RASAL2: variants seen among roughly 807,000 people sequenced by gnomAD.
The protein encoded by RASAL2 is ras GTPase-activating protein nGAP.
Under a neutral mutation model 128.9 loss-of-function variants are expected in RASAL2, and 58 were observed. That is an observed-to-expected ratio of 0.45 (90% CI 0.36 to 0.56). RASAL2 has a LOEUF of 0.56. Among genes scored for constraint, RASAL2 ranks in the 20% least tolerant of loss-of-function variants. The probability of loss-of-function intolerance (pLI) is 0.00; values close to 1 mark genes in which losing one functional copy is unlikely to be tolerated. For synonymous variants in RASAL2, 561 were observed against 580.8 expected, an observed-to-expected ratio of 0.97 and a Z score of 0.49; for missense variants, 1,360 against 1,601.6, an observed-to-expected ratio of 0.85 and a Z score of 2.57.
intron 1 of RASAL2, among the ~76,000 whole-genome samples, chr1:178,148,892 C>G (rs1660817922): frequency 6.6e-6 from 1 of 152,036 alleles, no homozygotes; most frequent in Non-Finnish European, 1.5e-5. Flanking sequence ...ATTTTGTAAA[C>G]TGTTTTGTTT....
intron 3 of RASAL2, among the ~76,000 whole-genome samples, chr1:178,350,069 G>A (rs542783425): frequency 6.6e-6 from 1 of 152,302 alleles, no homozygotes; most frequent in Admixed American, 6.5e-5. Context: ...TTCTTCTAGA[G>A]CAATCTTCTT....
At chr1:178,226,692 AT>A (rs1663801053) in intron 1 of RASAL2, among the ~76,000 whole-genome samples, 1 of 152,198 alleles carries the variant, frequency 6.6e-6, no homozygotes, top group Non-Finnish European at 1.5e-5. Context: ...CACACCTGTA[AT>A]CCCAGCATTT....
In RASAL2 at chr1:178,330,374, C is replaced by A. The variant is rs906864161; in HGVS notation, c.457+30256C>A. ...TTTCACTAAAGTATTCTATTTATAT[C>A]TCTCCTTGGGTGATTTATGATGTCT... On this transcript the variant is annotated intron_variant, in intron 3 of 17. Transcript: ENST00000367649. Among the ~76,000 whole-genome samples, 4 of 152,246 alleles carry A rather than the reference C, an allele frequency of 2.6e-5. No homozygotes were observed. In the Middle Eastern group the frequency reaches 0.014, roughly 518 times the overall value.
chr1:178,276,659 G>A (rs889569791), intron 1 of RASAL2, among the ~76,000 whole-genome samples: 2 of 151,794 alleles, frequency 1.3e-5, no homozygotes, highest in Non-Finnish European at 2.9e-5. Flanking sequence ...TTACAGGCAT[G>A]AGCCACTGTG....
At chr1:178,198,896 T>A (rs1387460405) in intron 1 of RASAL2, among the ~76,000 whole-genome samples, 2 of 152,170 alleles carry the variant, frequency 1.3e-5, no homozygotes, top group Non-Finnish European at 2.9e-5. Flanking sequence ...TTTGTTGTGT[T>A]TTGTTCAGCT....
rs1217296181 is a variant in RASAL2, at chr1:178,348,455, G to C, written c.458-41645G>C. On this transcript the variant is annotated intron_variant, in intron 3 of 17. Coordinates refer to ENST00000367649, the MANE Select transcript of RASAL2 (RefSeq NM_170692.4). ...ACTATAGGTGCACACGACTACACCT[G>C]GCTAATTTTTAAAATTATTTTTTTG... Among the ~76,000 whole-genome samples the C allele has an allele frequency of 2.0e-5, 3 of 151,994 alleles. No homozygotes were observed. The East Asian group carries it at 5.8e-4, about 29-fold the overall frequency.
At chr1:178,157,987 A>G (rs1661141206) in intron 1 of RASAL2, among the ~76,000 whole-genome samples, 1 of 152,188 alleles carries the variant, frequency 6.6e-6, no homozygotes, top group Non-Finnish European at 1.5e-5. Flanking sequence ...TTCATCTTCT[A>G]TTGATTATCA....
At chr1:178,246,044 A>G (rs749699316) in intron 1 of RASAL2, among the ~76,000 whole-genome samples, 33 of 152,314 alleles carry the variant, frequency 2.2e-4, no homozygotes, top group Non-Finnish European at 4.1e-4. Flanking sequence ...TGTCTTGGCT[A>G]TACAGGCTCT....
At chr1:178,322,660 C>A (rs902802585) in intron 3 of RASAL2, among the ~76,000 whole-genome samples, 4 of 152,164 alleles carry the variant, frequency 2.6e-5, no homozygotes, top group African/African-American at 9.7e-5. Context: ...ACTCATATAT[C>A]TTTTCCTGTT....
chr1:178,477,880 C>G lies in RASAL2; in HGVS notation c.*4641C>G, dbSNP rs750689125. Reference sequence around the variant, plus strand: ...CTTGGTTTGGCATTGTCTCAAGAACCCTAGATATCATTATTGATACCATGG... The same window carrying G: ...CTTGGTTTGGCATTGTCTCAAGAACGCTAGATATCATTATTGATACCATGG... On this transcript the variant is annotated 3_prime_UTR_variant, in exon 18 of 18. Transcript: ENST00000367649. 1 of 151,802 alleles carries G rather than the reference C, an allele frequency of 6.6e-6. No homozygotes were observed. Among genetic ancestry groups the G allele is most frequent in the Non-Finnish European group, 1.5e-5 (1 of 67,878 alleles). The allele number at this position is 151,802 out of a possible 1,614,324, so 9.4% of individuals were successfully genotyped here.
intron 3 of RASAL2, among the ~76,000 whole-genome samples, chr1:178,333,989 G>C (rs1469204998): frequency 2.6e-5 from 4 of 152,192 alleles, no homozygotes; most frequent in African/African-American, 7.2e-5. Flanking sequence ...GTCTTTGAAT[G>C]TAGTATTTGT....
intron 1 of RASAL2, among the ~76,000 whole-genome samples, chr1:178,094,991 C>CA: frequency 6.6e-6 from 1 of 152,270 alleles, no homozygotes; most frequent in South Asian, 2.1e-4. Flanking sequence ...GCCAGGCAAT[C>CA]AATCTTCAAG....
intron 1 of RASAL2, among the ~76,000 whole-genome samples, chr1:178,106,517 G>A (rs1413098358): frequency 6.6e-6 from 1 of 152,162 alleles, no homozygotes; most frequent in African/African-American, 2.4e-5. Flanking sequence ...GAATAAGATG[G>A]TCAGTACAGT....
At chr1:178,274,783 G>T (rs1314528174) in intron 1 of RASAL2, among the ~76,000 whole-genome samples, 1 of 151,976 alleles carries the variant, frequency 6.6e-6, no homozygotes, top group East Asian at 1.9e-4. Flanking sequence ...AGAGCCAGGG[G>T]TCCCACTTTG....
chr1:178,114,242 A>C (rs925984492), intron 1 of RASAL2, among the ~76,000 whole-genome samples: 1 of 152,206 alleles, frequency 6.6e-6, no homozygotes, highest in Non-Finnish European at 1.5e-5. Context: ...GAGAGTAGAC[A>C]TCCTTGCCAT....
At chr1:178,454,394 G>T in intron 11 of RASAL2, 53 bp from the exon 12 acceptor site, 1 of 1,429,392 alleles carries the variant, frequency 7.0e-7, no homozygotes, top group South Asian at 1.2e-5. Flanking sequence ...AAATCAAAAT[G>T]ATCATATCTC....
chr1:178,125,314 A>C (rs1354785786), intron 1 of RASAL2: 1 of 152,134 alleles, frequency 6.6e-6, no homozygotes, highest in Non-Finnish European at 1.5e-5. Context: ...TCTTTCACTA[A>C]ATTATTTCCT....
At chr1:178,307,751 A>T (rs1349437319) in intron 3 of RASAL2, among the ~76,000 whole-genome samples, 1 of 152,216 alleles carries the variant, frequency 6.6e-6, no homozygotes, top group East Asian at 1.9e-4. Flanking sequence ...TGGATAGCAC[A>T]AGGTGAATTT....
intron 1 of RASAL2, among the ~76,000 whole-genome samples, chr1:178,271,650 C>G (rs1666262955): frequency 6.6e-6 from 1 of 152,182 alleles, no homozygotes. Context: ...AGTTGTTCTT[C>G]TTTCAGAATT....
Sources: gnomAD v4.1 joint callset for allele counts (sites outside exome capture counted in the v4.1 genomes callset) on GRCh38, gnomAD v4.1.1 for gene constraint, MANE v1.5 for transcripts, NCBI Gene and HGNC (gene_info 2026-07-23, HGNC 2026-07-21) for gene names.